Variants in LRRTM4 observed in about 807,000 individuals in gnomAD.
LRRTM4 encodes leucine-rich repeat transmembrane neuronal protein 4.
LRRTM4 carries 25 observed loss-of-function variants against 47.6 expected under a neutral mutation model. The ratio of observed to expected loss-of-function variants is 0.53; its 90% CI spans 0.38 to 0.73. LRRTM4 has a LOEUF of 0.73. Ranked by LOEUF, LRRTM4 falls within the 30% of genes least tolerant of loss-of-function variation. The pLI is 0.00. For synonymous variants in LRRTM4, 311 were observed against 269.5 expected, an observed-to-expected ratio of 1.15 and a Z score of -1.51; for missense variants, 638 against 713.4, an observed-to-expected ratio of 0.89 and a Z score of 1.20.
At chr2:77,115,166 C>G (rs1278286629) in intron 3 of LRRTM4, among the ~76,000 whole-genome samples, 2 of 152,144 alleles carry the variant, frequency 1.3e-5, no homozygotes, top group Non-Finnish European at 2.9e-5. Flanking sequence ...GAAAAGAATT[C>G]AGTGATATTT....
intron 3 of LRRTM4, among the ~76,000 whole-genome samples, chr2:76,921,628 T>C (rs906265910): frequency 6.6e-6 from 1 of 152,108 alleles, no homozygotes; most frequent in African/African-American, 2.4e-5. Flanking sequence ...TTTTATACCA[T>C]TAAGGACATT....
intron 3 of LRRTM4, among the ~76,000 whole-genome samples, chr2:77,309,688 TAGATAGATA>T (rs1008727188): frequency 1.5e-4 from 8 of 54,482 alleles, no homozygotes; most frequent in African/African-American, 6.3e-4. Flanking sequence ...AGATGATAGA[TAGATAGATA>T]GATAGATAGA....
At chr2:77,151,304 T>A (rs1019930482) in intron 3 of LRRTM4, among the ~76,000 whole-genome samples, 1 of 152,148 alleles carries the variant, frequency 6.6e-6, no homozygotes, top group Admixed American at 6.6e-5. Flanking sequence ...TTTATACTCA[T>A]TGAACAATAA....
chr2:77,230,673 G>T (rs2103969530), intron 3 of LRRTM4, among the ~76,000 whole-genome samples: 1 of 152,204 alleles, frequency 6.6e-6, no homozygotes, highest in South Asian at 2.1e-4. Flanking sequence ...CATAATAAAT[G>T]AGGAAAAATT....
At chr2:77,501,951 A>T (rs1030646986) in intron 3 of LRRTM4, among the ~76,000 whole-genome samples, 3 of 151,430 alleles carry the variant, frequency 2.0e-5, no homozygotes, top group African/African-American at 7.2e-5. Context: ...AAAAAATTTA[A>T]ATGTTGAGGT....
intron 3 of LRRTM4, among the ~76,000 whole-genome samples, chr2:77,084,183 G>A (rs544797340): frequency 1.3e-4 from 20 of 152,122 alleles, no homozygotes; most frequent in South Asian, 1.2e-3. Context: ...GAAAACTTGC[G>A]GAAACTTTCA....
At chr2:77,135,517 C>T (rs1006604038) in intron 3 of LRRTM4, among the ~76,000 whole-genome samples, 1 of 152,120 alleles carries the variant, frequency 6.6e-6, no homozygotes, top group African/African-American at 2.4e-5. Flanking sequence ...AGTGACAGTG[C>T]TATGTATACA....
At chr2:77,023,492 G>T (rs1212645431) in intron 3 of LRRTM4, among the ~76,000 whole-genome samples, 2 of 152,100 alleles carry the variant, frequency 1.3e-5, no homozygotes, top group Non-Finnish European at 2.9e-5. Flanking sequence ...CAACTTTTAT[G>T]CTCTGCTTCC....
At chr2:76,804,290 A>C (rs1041313977) in intron 3 of LRRTM4, among the ~76,000 whole-genome samples, 10 of 152,168 alleles carry the variant, frequency 6.6e-5, no homozygotes, top group African/African-American at 2.4e-4. Context: ...ATTTCTCAAG[A>C]ATCCTTTGGG....
Position 77,044,911 on chromosome 2 carries a change from G to A in LRRTM4, c.1552-295995C>T, listed in dbSNP as rs10175186. Among the ~76,000 whole-genome samples, 483 of 151,710 alleles carry A rather than the reference G, an allele frequency of 3.2e-3. 1 individual carries two copies. Among genetic ancestry groups the A allele is most frequent in the African/African-American group, 0.011 (464 of 41,438 alleles). On this transcript the variant is annotated intron_variant, in intron 3 of 3. Transcript: ENST00000409884. Reference sequence around the variant, plus strand: ...TACATATATATGTGTATGTAGATAGGTGTTTGTGTGTATATGTGTATATGT... The same window carrying A: ...TACATATATATGTGTATGTAGATAGATGTTTGTGTGTATATGTGTATATGT...
chr2:77,253,314 G>C (rs1031767291), intron 3 of LRRTM4, among the ~76,000 whole-genome samples: 5 of 152,104 alleles, frequency 3.3e-5, no homozygotes, highest in Admixed American at 6.6e-5. Flanking sequence ...GTTGGACCTA[G>C]TAGAGAGTCA....
At chr2:77,408,245 T>A (rs1258197817) in intron 3 of LRRTM4, among the ~76,000 whole-genome samples, 1 of 152,182 alleles carries the variant, frequency 6.6e-6, no homozygotes, top group African/African-American at 2.4e-5. Context: ...TCTGCCATAT[T>A]CGTGACATCC....
intron 3 of LRRTM4, among the ~76,000 whole-genome samples, chr2:77,267,804 T>G (rs1192369278): frequency 7.8e-6 from 1 of 128,384 alleles, no homozygotes; most frequent in East Asian, 3.9e-4. Context: ...GAAAAGAGAA[T>G]AGAAAAATTT....
chr2:76,869,965 T>G (rs1672576511), intron 3 of LRRTM4, among the ~76,000 whole-genome samples: 1 of 152,098 alleles, frequency 6.6e-6, no homozygotes, highest in Non-Finnish European at 1.5e-5. Context: ...GGACAGTAAG[T>G]GAGACACTAC....
intron 3 of LRRTM4, among the ~76,000 whole-genome samples, chr2:76,977,263 C>A (rs1016189441): frequency 6.6e-6 from 1 of 151,426 alleles, no homozygotes; most frequent in Non-Finnish European, 1.5e-5. Flanking sequence ...TGTACACTTC[C>A]CCCTAATTTT....
chr2:77,363,026 A>G (rs112663485), intron 3 of LRRTM4, among the ~76,000 whole-genome samples: 3,389 of 152,340 alleles, frequency 0.022, 64 homozygotes, highest in Non-Finnish European at 0.034. Flanking sequence ...TCTGATGAGA[A>G]CATTGAGGCA....
In LRRTM4 at chr2:77,299,229, ATC is replaced by A. The variant is rs771724277; in HGVS notation, c.1551+219087_1551+219088del. Among the ~76,000 whole-genome samples the A allele has an allele frequency of 2.1e-4, 30 of 143,086 alleles. No homozygotes were observed. The East Asian group carries it at 4.9e-3, about 23-fold the overall frequency. 93.9% of individuals were successfully genotyped at this position (143,086 alleles called of 152,430 possible). On this transcript the variant is annotated intron_variant, in intron 3 of 3. Transcript: ENST00000409884. ...GAAATACTAGGTAGTTCTTCCTACA[ATC>A]TCTCTCTCTCTTTATCTATATATAT...
intron 3 of LRRTM4, among the ~76,000 whole-genome samples, chr2:77,098,061 C>T (rs1207060937): frequency 2.6e-5 from 4 of 151,848 alleles, no homozygotes; most frequent in African/African-American, 9.7e-5. Context: ...AATTTGAAGA[C>T]TCAGAAAGAT....
At chr2:77,212,550 A>AATAT (rs149487043) in intron 3 of LRRTM4, among the ~76,000 whole-genome samples, 7 of 147,256 alleles carry the variant, frequency 4.8e-5, no homozygotes, top group African/African-American at 1.7e-4. Flanking sequence ...TAATCTTGAG[A>AATAT]ATATATATAT....
Sources: allele counts gnomAD v4.1 joint callset (sites outside exome capture counted in the v4.1 genomes callset), GRCh38; gene constraint gnomAD v4.1.1; transcripts MANE v1.5; gene names NCBI Gene and HGNC (gene_info 2026-07-23, HGNC 2026-07-21).